The following SCP2 variants were observed in gnomAD, a reference collection of about 807,000 sequenced individuals.
SCP2 encodes the protein SCP-2/3-oxoacyl-CoA thiolase.
Under a neutral mutation model 71.4 loss-of-function variants are expected in SCP2, and 48 were observed. That is an observed-to-expected ratio of 0.67 (90% CI 0.53 to 0.86). SCP2 has a LOEUF of 0.86. SCP2 is among the 40% of genes least tolerant of loss of function. The pLI is 0.00. For synonymous variants in SCP2, 220 were observed against 218.1 expected (o/e 1.01, Z -0.08); for missense variants, 560 against 655.6 (o/e 0.85, Z 1.59).
Position 53,014,916 on chromosome 1 carries a change from T to G in SCP2, c.1108T>G (p.Trp370Gly). Reference sequence around the variant, plus strand: ...TCTTGCTCAGTGTGCAGAACTCTGCTGGCAGCTGAGAGGGGAAGCCGGAAA... The same window carrying G: ...TCTTGCTCAGTGTGCAGAACTCTGCGGGCAGCTGAGAGGGGAAGCCGGAAA... ...TGLAQCAELC[W>G]QLRGEAGKRQ... The change falls in exon 12 of 16, where the codon TGG becomes GGG. Residue 370 changes from tryptophan to glycine, a missense_variant. Physicochemically the swap from Trp to Gly is radical, Grantham distance 184 (BLOSUM62 -2). Around this residue, in one of 3 missense-constraint regions of SCP2, gnomAD observed 513 missense variants for 573.1 expected, o/e 0.90. Coordinates refer to ENST00000371514, the MANE Select transcript of SCP2 (RefSeq NM_002979.5). 6.2e-7 allele frequency: 1 copy of G among 1,613,526 alleles called. No individual in the cohort carries two copies. Among genetic ancestry groups the G allele is most frequent in the Non-Finnish European group, 8.5e-7 (1 of 1,179,938 alleles).
rs1274159799 is a variant in SCP2 at position 53,025,432 on chromosome 1, ACT to A, written c.1236-2533_1236-2532del. The stretch of plus-strand genomic sequence containing the variant: ...GCTGGCCCTCTCCACTGAGCTCCAG[ACT>A]CTCATATCCATGGCTTTCTTGTTTT... On this transcript the variant is annotated intron_variant, in intron 12 of 15. Coordinates refer to ENST00000371514, the MANE Select transcript of SCP2 (RefSeq NM_002979.5). Among the ~76,000 whole-genome samples, 8 of 152,040 alleles carry A rather than the reference ACT, an allele frequency of 5.3e-5. No homozygotes were observed. The South Asian group carries it at 1.0e-3, about 20-fold the overall frequency.
rs80326109 is a variant in SCP2 at position 52,986,277 on chromosome 1, G to T, written c.974-1752G>T. Among the ~76,000 whole-genome samples the T allele has an allele frequency of 4.6e-4, 70 of 152,330 alleles. 2 individuals carry two copies. In the East Asian group the frequency reaches 0.013, roughly 29 times the overall value. On this transcript the variant is annotated intron_variant, in intron 10 of 15. Transcript: ENST00000371514. ...CAAGATTGTATATATTATAGGAAAA[G>T]TGTAGTGAATTATTCACTTTTAGGG...
intron 15 of SCP2, chr1:53,049,398 T>C (rs900888703): frequency 6.6e-6 from 1 of 152,212 alleles, no homozygotes; most frequent in Admixed American, 6.5e-5. Flanking sequence ...TCAGAGGATT[T>C]CCAGAGGATT....
chr1:52,948,057 A>T lies in SCP2; in HGVS notation c.176A>T (p.Gln59Leu). 1 of 1,612,740 alleles carries T rather than the reference A, an allele frequency of 6.2e-7. No homozygotes were observed. The highest frequency in any genetic ancestry group is 8.5e-7 in the Non-Finnish European group (1 of 1,178,768). The change falls in exon 3 of 16, where the codon CAG becomes CTG. Residue 59 changes from glutamine to leucine, a missense_variant. Physicochemically the swap from Gln to Leu is moderately radical, Grantham distance 113. Coordinates refer to ENST00000371514, the MANE Select transcript of SCP2 (RefSeq NM_002979.5). The stretch of plus-strand genomic sequence containing the variant: ...CAGATCCCTTATTCAGCAGTGGACC[A>T]GGCATGTGTTGGCTATGTTTTTGGT... The part of the protein sequence containing the change: ...DAQIPYSAVD[Q>L]ACVGYVFGDS...
chr1:53,044,486 A>C (rs1417318514), intron 14 of SCP2, among the ~76,000 whole-genome samples: 2 of 152,246 alleles, frequency 1.3e-5, no homozygotes, highest in African/African-American at 4.8e-5. Flanking sequence ...CTATGTGTCA[A>C]GTACTCTTCA....
intron 4 of SCP2, among the ~76,000 whole-genome samples, chr1:52,954,491 A>G (rs1176332260): frequency 6.6e-6 from 1 of 152,026 alleles, no homozygotes; most frequent in Non-Finnish European, 1.5e-5. Context: ...GTACCACCAC[A>G]CTCAGCTAAT....
chr1:52,956,908 T>C lies in SCP2; in HGVS notation c.396+2104T>C, dbSNP rs1048281914. 2.7e-4 allele frequency among the ~76,000 whole-genome samples: 14 copies of C among 51,844 alleles called. No homozygotes were observed. In the Admixed American group the frequency reaches 3.7e-3, roughly 14 times the overall value. 34.0% of individuals were successfully genotyped at this position (51,844 alleles called of 152,430 possible). On this transcript the variant is annotated intron_variant, in intron 5 of 15. Coordinates refer to ENST00000371514, the MANE Select transcript of SCP2 (RefSeq NM_002979.5). ...TAAAAGTCCCTCCTTCTGCCTTTTT[T>C]TTTTTTTTTTTTTTTTTTTGAGACC... is the stretch of plus-strand genomic sequence containing the variant.
intron 14 of SCP2, among the ~76,000 whole-genome samples, chr1:53,043,116 G>A (rs1663548982): frequency 6.6e-6 from 1 of 152,184 alleles, no homozygotes; most frequent in Non-Finnish European, 1.5e-5. Flanking sequence ...AGGTAAACTA[G>A]AAAGAGCATA....
intron 1 of SCP2, among the ~76,000 whole-genome samples, chr1:52,932,922 T>C (rs551802246): frequency 6.6e-6 from 1 of 152,190 alleles, no homozygotes; most frequent in South Asian, 2.1e-4. Context: ...CAGAAGGGAG[T>C]AGGTAAAAAA....
intron 11 of SCP2, chr1:52,994,985 CA>C: frequency 2.0e-6 from 1 of 509,978 alleles, no homozygotes; most frequent in South Asian, 1.6e-5. Context: ...GTGCTTAAAC[CA>C]GACAACTTTG....
intron 15 of SCP2, chr1:53,048,863 C>G (rs1213484463): frequency 6.6e-6 from 1 of 152,164 alleles, no homozygotes; most frequent in Non-Finnish European, 1.5e-5. Flanking sequence ...AAAAAAGAAA[C>G]TAAGACGTTT....
At chr1:52,928,312 T>C (rs1652729537) in intron 1 of SCP2, among the ~76,000 whole-genome samples, 1 of 152,268 alleles carries the variant, frequency 6.6e-6, no homozygotes. Context: ...TATTCACTGC[T>C]GTGCCCCTCG....
chr1:52,993,805 A>G, intron 11 of SCP2: 1 of 1,532,916 alleles, frequency 6.5e-7, no homozygotes, highest in South Asian at 1.2e-5. Flanking sequence ...AGAGGTAATC[A>G]ATATCCTGAA....
rs747545436 is a variant in SCP2, at chr1:53,050,638, T to C, written c.1578T>C (p.Thr526=). The stretch of plus-strand genomic sequence containing the variant: ...TCTTTCAAGGCAAATTGAAAATCAC[T>C]GGCAACATGGGTCTCGCTATGAAGT... ...SAFFQGKLKI[T]GNMGLAMKLQ... The change falls in exon 16 of 16, where the codon ACT becomes ACC. Residue 526 remains threonine (T), a synonymous_variant. Coordinates refer to ENST00000371514, the MANE Select transcript of SCP2 (RefSeq NM_002979.5). 5.6e-6 allele frequency: 9 copies of C among 1,613,646 alleles called. No homozygotes were observed. In the South Asian group the frequency reaches 8.8e-5, roughly 16 times the overall value.
rs75238032 is a variant in SCP2 at position 52,969,819 on chromosome 1, TCAAACAAACAAA to T, written c.524-4933_524-4922del. On this transcript the variant is annotated intron_variant, in intron 6 of 15. Coordinates refer to ENST00000371514, the MANE Select transcript of SCP2 (RefSeq NM_002979.5). ...CCGGGCGGCAGAGCTAGACTCCATC[TCAAACAAACAAA>T]CAAACAAACAAACAAAAAAAGTGGC... is the stretch of plus-strand genomic sequence containing the variant. Among the ~76,000 whole-genome samples, 451 of 150,156 alleles carry T rather than the reference TCAAACAAACAAA, an allele frequency of 3.0e-3. 2 individuals are homozygous for T. The highest frequency in any genetic ancestry group is 5.0e-3 in the Non-Finnish European group (334 of 67,456).
intron 8 of SCP2, 63 bp downstream of exon 8, chr1:52,976,832 C>G: frequency 2.3e-6 from 2 of 870,732 alleles, no homozygotes; most frequent in Middle Eastern, 2.2e-4. Flanking sequence ...TGCCACCCCC[C>G]TGTGGTTAAA....
At chr1:52,951,024 T>A in intron 4 of SCP2, 138 bp downstream of exon 4, 1 of 963,508 alleles carries the variant, frequency 1.0e-6, no homozygotes, top group Non-Finnish European at 1.6e-6. Flanking sequence ...CTTATGCTTG[T>A]AACCCTAGCA....
intron 4 of SCP2, among the ~76,000 whole-genome samples, chr1:52,951,416 C>T (rs545519037): frequency 5.9e-5 from 9 of 151,698 alleles, no homozygotes; most frequent in Non-Finnish European, 1.0e-4. Flanking sequence ...GCCTGGGCAA[C>T]GTAGTTAGAA....
chr1:52,992,591 T>C (rs1394303858), intron 11 of SCP2, among the ~76,000 whole-genome samples: 2 of 152,076 alleles, frequency 1.3e-5, no homozygotes. Context: ...TCTTCAAGAG[T>C]AGGAGCAGTA....
Sources: gnomAD v4.1 joint callset for allele counts (sites outside exome capture counted in the v4.1 genomes callset) on GRCh38, gnomAD v4.1.1 for gene constraint, gnomAD v4.1.1 regional missense constraint, MANE v1.5 for transcripts, NCBI Gene and HGNC (gene_info 2026-07-23, HGNC 2026-07-21) for gene names.